COQ5: variants seen among roughly 807,000 people sequenced by gnomAD.
The protein encoded by COQ5 is coenzyme Q5, methyltransferase.
In COQ5, 27 loss-of-function variants were observed where a neutral mutation model predicts 40.5. The observed-to-expected ratio is 0.67, with a 90% CI of 0.49 to 0.92. COQ5 has a LOEUF of 0.92. COQ5 is among the 40% of genes least tolerant of loss of function. COQ5 has a pLI of 0.00. For missense variants in COQ5, 409 were observed against 406.4 expected, an observed-to-expected ratio of 1.01 and a Z score of -0.06; for synonymous variants, 141 against 150.0, an observed-to-expected ratio of 0.94 and a Z score of 0.44.
chr12:120,513,415 T>C (rs969553743), intron 3 of COQ5, among the ~76,000 whole-genome samples: 1 of 146,170 alleles, frequency 6.8e-6, no homozygotes, highest in Non-Finnish European at 1.5e-5. Flanking sequence ...GGCAAGAGAA[T>C]GGCGTGAACC....
chr12:120,508,051 A>G (rs1234845239), intron 4 of COQ5, among the ~76,000 whole-genome samples: 1 of 151,514 alleles, frequency 6.6e-6, no homozygotes, highest in East Asian at 2.0e-4. Flanking sequence ...GGCGGAGTGC[A>G]GTGGTGTGAT....
intron 5 of COQ5, chr12:120,504,538 G>T (rs1395751919): frequency 6.3e-6 from 2 of 318,888 alleles, no homozygotes; most frequent in Non-Finnish European, 1.2e-5. Flanking sequence ...ATGAGCCACT[G>T]CACTTGGCCC....
At chr12:120,513,562 G>T (rs1869240234) in intron 3 of COQ5, among the ~76,000 whole-genome samples, 1 of 148,434 alleles carries the variant, frequency 6.7e-6, no homozygotes, top group Admixed American at 6.7e-5. Context: ...TTGAGACAGA[G>T]CCTTGCTCTG....
At chr12:120,522,494 T>C (rs1172095616) in intron 1 of COQ5, 131 bp from the exon 2 acceptor site, 4 of 824,296 alleles carry the variant, frequency 4.9e-6, no homozygotes. Flanking sequence ...GTCGTAATGC[T>C]TGATGCCCAA....
intron 3 of COQ5, among the ~76,000 whole-genome samples, chr12:120,514,394 C>CA (rs1869281064): frequency 6.6e-6 from 1 of 152,076 alleles, no homozygotes. Flanking sequence ...CACTGCCCCT[C>CA]ACAGTGGCCA....
At position 120,517,348 on chromosome 12, in the gene COQ5, G is replaced by A. The variant is rs565848160; in HGVS notation, c.353-560C>T. 9.9e-4 allele frequency among the ~76,000 whole-genome samples: 148 copies of A among 149,216 alleles called. 1 individual carries two copies. The Middle Eastern group carries it at 0.022, about 22-fold the overall frequency. ...GCCTGAGTGACAAAAGCGAAACTCC[G>A]TCTCAAAAATAAATAAATAAATAAA... On this transcript the variant is annotated intron_variant, in intron 2 of 6. Transcript: ENST00000288532.
chr12:120,528,435 T>A (rs1870066433), intron 1 of COQ5, among the ~76,000 whole-genome samples: 1 of 152,116 alleles, frequency 6.6e-6, no homozygotes, highest in Non-Finnish European at 1.5e-5. Flanking sequence ...AAAATGAGAA[T>A]TGAAAATAAT....
chr12:120,512,255 A>T (rs1869168070), intron 3 of COQ5, among the ~76,000 whole-genome samples: 1 of 151,906 alleles, frequency 6.6e-6, no homozygotes, highest in African/African-American at 2.4e-5. Flanking sequence ...GATTTCAAGG[A>T]ATTTCTAATG....
chr12:120,511,087 C>T (rs1210784747), intron 3 of COQ5, among the ~76,000 whole-genome samples: 2 of 151,872 alleles, frequency 1.3e-5, no homozygotes, highest in African/African-American at 4.8e-5. Context: ...GAAACCCCGT[C>T]TCTACTAAAA....
intron 3 of COQ5, among the ~76,000 whole-genome samples, chr12:120,513,638 GCCT>G (rs919188997): frequency 1.3e-5 from 2 of 149,744 alleles, no homozygotes; most frequent in Admixed American, 1.3e-4. Flanking sequence ...TCGTGCCTCA[GCCT>G]CCTGAGTAGC....
chr12:120,523,688 G>C (rs959911700), intron 1 of COQ5, among the ~76,000 whole-genome samples: 9 of 152,028 alleles, frequency 5.9e-5, no homozygotes, highest in Non-Finnish European at 8.8e-5. Flanking sequence ...TTTTTCTCAT[G>C]GTTATTATAA....
Position 120,503,845 on chromosome 12 carries a change from T to C in COQ5, c.923A>G (p.Lys308Arg). ...TGATGTTAGACTTTCGTAAGTCACC[T>C]TGTGAAAGCCTGCATCTTCTATCAT... Reference protein sequence around the residue: ...KDMIEDAGFHKVTYESLTSGI... With the variant: ...KDMIEDAGFHRVTYESLTSGI... The change falls in exon 7 of 7, where the codon AAG becomes AGG. Residue 308 changes from lysine to arginine, a missense_variant. By Grantham distance (26) the Lys-to-Arg change is conservative. Coordinates refer to ENST00000288532, the MANE Select transcript of COQ5 (RefSeq NM_032314.4). 1 of 1,614,214 alleles carries C rather than the reference T, an allele frequency of 6.2e-7. No homozygotes were observed. The highest frequency in any genetic ancestry group is 1.3e-5 in the African/African-American group (1 of 75,078).
At chr12:120,510,637 T>C (rs971081565) in intron 3 of COQ5, among the ~76,000 whole-genome samples, 15 of 152,276 alleles carry the variant, frequency 9.9e-5, no homozygotes, top group African/African-American at 2.9e-4. Flanking sequence ...ATAAACTACT[T>C]TGTCTGTTTC....
intron 2 of COQ5, among the ~76,000 whole-genome samples, chr12:120,521,745 C>A (rs921876442): frequency 6.6e-6 from 1 of 151,868 alleles, no homozygotes; most frequent in Non-Finnish European, 1.5e-5. Context: ...GCCTGTAATC[C>A]CAGCACTTTG....
In COQ5 at chr12:120,529,154, G is replaced by C. The variant is rs538130753; in HGVS notation, c.-13C>G. Reference sequence around the variant, plus strand: ...CGGGGGCCGCCATCTTGGTAGTCGAGTGACAACGGCCAGAGAGTACGCCTT... The same window carrying C: ...CGGGGGCCGCCATCTTGGTAGTCGACTGACAACGGCCAGAGAGTACGCCTT... On this transcript the variant is annotated 5_prime_UTR_variant, in exon 1 of 7. Coordinates refer to ENST00000288532, the MANE Select transcript of COQ5 (RefSeq NM_032314.4). The C allele has an allele frequency of 6.2e-7, 1 of 1,608,304 alleles. No individual in the cohort carries two copies. The highest frequency in any genetic ancestry group is 1.1e-5 in the South Asian group (1 of 90,790).
chr12:120,516,312 G>A (rs542920110), intron 3 of COQ5, among the ~76,000 whole-genome samples: 6 of 152,080 alleles, frequency 3.9e-5, no homozygotes, highest in Non-Finnish European at 5.9e-5. Flanking sequence ...TGTGACTTGG[G>A]TAAGATTCTT....
intron 1 of COQ5, among the ~76,000 whole-genome samples, chr12:120,523,598 C>G (rs1160336455): frequency 6.6e-6 from 1 of 152,180 alleles, no homozygotes; most frequent in Admixed American, 6.5e-5. Context: ...AGGACTACTA[C>G]TTTGTAAAAA....
chr12:120,513,221 G>A (rs557957097), intron 3 of COQ5, among the ~76,000 whole-genome samples: 84 of 147,610 alleles, frequency 5.7e-4, no homozygotes, highest in Middle Eastern at 3.8e-3. Flanking sequence ...AAGTAGTTAA[G>A]GGCCAGGTGC....
intron 3 of COQ5, among the ~76,000 whole-genome samples, chr12:120,514,661 T>C (rs1869298055): frequency 6.6e-6 from 1 of 151,758 alleles, no homozygotes; most frequent in Non-Finnish European, 1.5e-5. Flanking sequence ...AAGAATTGCT[T>C]GAACCCGGGA....
Sources: allele counts gnomAD v4.1 joint callset (sites outside exome capture counted in the v4.1 genomes callset), GRCh38; gene constraint gnomAD v4.1.1; transcripts MANE v1.5; gene names NCBI Gene and HGNC (gene_info 2026-07-23, HGNC 2026-07-21).